Variants in CNTNAP3 observed in about 807,000 individuals in gnomAD.
The protein encoded by CNTNAP3 is contactin associated protein family member 3.
CNTNAP3 carries 36 observed loss-of-function variants against 92.1 expected under a neutral mutation model. That is an observed-to-expected ratio of 0.39 (90% CI 0.30 to 0.52). The LOEUF (loss-of-function observed/expected upper bound fraction) is 0.52, where lower values mean the gene tolerates loss of function less well. Among genes scored for constraint, CNTNAP3 ranks in the 20% least tolerant of loss-of-function variants. The pLI is 0.76. For synonymous variants in CNTNAP3, 232 were observed against 422.3 expected (o/e 0.55, Z 5.53); for missense variants, 534 against 1,069.6 (o/e 0.50, Z 6.98).
At chr9:39,109,091 C>T in intron 15 of CNTNAP3, 69 bp downstream of exon 15, 2 of 1,541,590 alleles carry the variant, frequency 1.3e-6, no homozygotes, top group Non-Finnish European at 1.7e-6. Context: ...AGAACAAGGG[C>T]ATTTGTCTAC....
intron 12 of CNTNAP3, chr9:39,140,005 A>G (rs1821534758): frequency 6.6e-6 from 1 of 152,620 alleles, no homozygotes; most frequent in African/African-American, 2.4e-5. Context: ...TTGGCCTCCC[A>G]AAGTGCTGAG....
rs2990051 is a variant in CNTNAP3 at position 39,070,995 on chromosome 9, G to A, written c.*2895C>T. Among the ~76,000 whole-genome samples the A allele has an allele frequency of 1.3e-5, 2 of 151,966 alleles. No homozygotes were observed. Among genetic ancestry groups the A allele is most frequent in the African/African-American group, 2.4e-5 (1 of 41,386 alleles). ...TTCTCTATGGATTGAAGTTAAGAGA[G>A]AGAAGTGCCAGGAGTTCAGTCCACG... On this transcript the variant is annotated 3_prime_UTR_variant, in exon 24 of 24. Transcript: ENST00000297668.
rs1826039698 is a variant in CNTNAP3 at position 39,085,218 on chromosome 9, T to C, written c.3442+518A>G. On this transcript the variant is annotated intron_variant, in intron 21 of 23. Transcript: ENST00000297668. The stretch of plus-strand genomic sequence containing the variant: ...TTCTACCTTGCGTAACAGATATTTA[T>C]GAATATGCCTCCCCATTCCTGTTAG... 2 of 150,774 alleles carry C rather than the reference T, an allele frequency of 1.3e-5. 1 individual carries two copies. The highest frequency in any genetic ancestry group is 5.2e-5 in the African/African-American group (2 of 38,430). The allele number at this position is 150,774 out of a possible 1,614,324, so 9.3% of individuals were successfully genotyped here.
rs1411034948 is a variant in CNTNAP3, at chr9:39,110,213, T to C, written c.2238-926A>G. On this transcript the variant is annotated intron_variant, in intron 14 of 23. Coordinates refer to ENST00000297668, the MANE Select transcript of CNTNAP3 (RefSeq NM_033655.5). ...GAGTTCGAAACCAGCCTGGGCAACA[T>C]AGTGAGGCCCCGTCTCTACAAAAAA... Among the ~76,000 whole-genome samples, 7 of 151,930 alleles carry C rather than the reference T, an allele frequency of 4.6e-5. No individual in the cohort carries two copies. The East Asian group carries it at 7.7e-4, about 17-fold the overall frequency.
chr9:39,132,479 C>T (rs910923436), intron 13 of CNTNAP3, among the ~76,000 whole-genome samples: 4 of 151,992 alleles, frequency 2.6e-5, no homozygotes, highest in African/African-American at 7.3e-5. Context: ...GTGAAAGTGG[C>T]GGGGCTGAGG....
intron 10 of CNTNAP3, 38 bp downstream of exon 10, chr9:39,149,768 A>C (rs1821796217): frequency 2.9e-6 from 4 of 1,356,094 alleles, no homozygotes; most frequent in Non-Finnish European, 4.0e-6. Flanking sequence ...TTCAACTTTG[A>C]AAACAGGCAA....
chr9:39,130,058 A>G (rs902644581), intron 13 of CNTNAP3, among the ~76,000 whole-genome samples: 2 of 152,172 alleles, frequency 1.3e-5, no homozygotes, highest in South Asian at 2.1e-4. Context: ...GAATGGTACA[A>G]CCATTCTAGA....
At chr9:39,119,858 G>C (rs920867212) in intron 13 of CNTNAP3, among the ~76,000 whole-genome samples, 9 of 152,128 alleles carry the variant, frequency 5.9e-5, no homozygotes, top group African/African-American at 2.2e-4. Flanking sequence ...CTCAAGAATA[G>C]AGTGAAAAGA....
rs192487328 is a variant in CNTNAP3 at position 39,120,407 on chromosome 9, G to A, written c.2081-2148C>T. 3.9e-4 allele frequency among the ~76,000 whole-genome samples: 59 copies of A among 152,256 alleles called. 1 individual carries two copies. In the East Asian group the frequency reaches 6.9e-3, roughly 18 times the overall value. The stretch of plus-strand genomic sequence containing the variant: ...AAACCTTTTTAGGCCGGGTGCGGTG[G>A]CTCACGCCTGTAATCCCAGCACTTT... On this transcript the variant is annotated intron_variant, in intron 13 of 23. Transcript: ENST00000297668.
chr9:39,121,152 C>T (rs1323762069), intron 13 of CNTNAP3, among the ~76,000 whole-genome samples: 8 of 150,120 alleles, frequency 5.3e-5, no homozygotes, highest in East Asian at 2.0e-4. Context: ...AATAACACAA[C>T]GAGAAATTTA....
intron 17 of CNTNAP3, 129 bp from the exon 18 acceptor site, chr9:39,100,279 A>T: frequency 6.4e-7 from 1 of 1,566,564 alleles, no homozygotes. Flanking sequence ...TTGTGAACAT[A>T]CACAATTTTG....
rs1166589488 is a variant in CNTNAP3 at position 39,228,544 on chromosome 9, CTT to C, written c.390+10447_390+10448del. Among the ~76,000 whole-genome samples the C allele has an allele frequency of 6.4e-4, 2 of 3,126 alleles. 1 individual carries two copies. The highest frequency in any genetic ancestry group is 0.071 in the Non-Finnish European group (2 of 28). 2.1% of individuals were successfully genotyped at this position (3,126 alleles called of 152,430 possible). ...TATTAAAAACTGTGAGCCGTTGAATCTTTTTTTTTTTTTTTTGAGACAGAGTT... is the reference window on the plus strand; with the variant it reads ...TATTAAAAACTGTGAGCCGTTGAATCTTTTTTTTTTTTTTGAGACAGAGTT... On this transcript the variant is annotated intron_variant, in intron 3 of 23. Coordinates refer to ENST00000297668, the MANE Select transcript of CNTNAP3 (RefSeq NM_033655.5).
In CNTNAP3 at chr9:39,139,038, T is replaced by C. The variant is rs563866412; in HGVS notation, c.1876+1481A>G. ...TTCAAGCTATTAGAGTAGTTTGAAA[T>C]TGCACATTTTATAATCATTATTGCT... On this transcript the variant is annotated intron_variant, in intron 12 of 23. Coordinates refer to ENST00000297668, the MANE Select transcript of CNTNAP3 (RefSeq NM_033655.5). Among the ~76,000 whole-genome samples the C allele has an allele frequency of 8.1e-4, 123 of 152,318 alleles. 1 individual carries two copies. The highest frequency in any genetic ancestry group is 2.9e-3 in the African/African-American group (120 of 41,568).
chr9:39,137,412 T>G (rs1821465449), intron 12 of CNTNAP3, among the ~76,000 whole-genome samples: 1 of 152,220 alleles, frequency 6.6e-6, no homozygotes, highest in Non-Finnish European at 1.5e-5. Context: ...TGCTATCTAT[T>G]TTATCCATTA....
At chr9:39,101,128 T>C (rs1275112842) in intron 17 of CNTNAP3, among the ~76,000 whole-genome samples, 11 of 148,818 alleles carry the variant, frequency 7.4e-5, no homozygotes, top group Admixed American at 6.7e-4. Flanking sequence ...CCCCTCCGTG[T>C]AGTCCTCCTT....
rs1414786413 is a variant in CNTNAP3 at position 39,271,907 on chromosome 9, G to A, written c.86-4901C>T. On this transcript the variant is annotated intron_variant, in intron 1 of 23. Coordinates refer to ENST00000297668, the MANE Select transcript of CNTNAP3 (RefSeq NM_033655.5). ...GACACAACACAAATGAAGACCTAGAGGAAAGTTTACATAGTTTTTTTTTTT... is the reference window on the plus strand; with the variant it reads ...GACACAACACAAATGAAGACCTAGAAGAAAGTTTACATAGTTTTTTTTTTT... 1.0e-4 allele frequency among the ~76,000 whole-genome samples: 2 copies of A among 19,438 alleles called. 1 individual carries two copies. The highest frequency in any genetic ancestry group is 2.1e-3 in the Admixed American group (2 of 960). 12.8% of individuals were successfully genotyped at this position (19,438 alleles called of 152,430 possible).
At chr9:39,132,910 A>C in intron 13 of CNTNAP3, 22 bp downstream of exon 13, 1 of 1,534,914 alleles carries the variant, frequency 6.5e-7, no homozygotes. Context: ...GAACCCCTGT[A>C]GCCTCCAGGA....
chr9:39,118,542 A>G (rs1219099883), intron 13 of CNTNAP3, among the ~76,000 whole-genome samples: 1 of 152,166 alleles, frequency 6.6e-6, no homozygotes, highest in Non-Finnish European at 1.5e-5. Context: ...TATAGAAATA[A>G]CATTCAAAAA....
chr9:39,075,792 G>A (rs1365526685), intron 23 of CNTNAP3, among the ~76,000 whole-genome samples: 7 of 152,282 alleles, frequency 4.6e-5, no homozygotes, highest in Non-Finnish European at 8.8e-5. Context: ...AAGCCACTGC[G>A]CTTTGAGTTT....
Sources: allele counts gnomAD v4.1 joint callset (sites outside exome capture counted in the v4.1 genomes callset), GRCh38; gene constraint gnomAD v4.1.1; transcripts MANE v1.5; gene names NCBI Gene and HGNC (gene_info 2026-07-23, HGNC 2026-07-21).